Variants in ITGA2 observed in about 807,000 individuals in gnomAD.
The protein encoded by ITGA2 is integrin subunit alpha 2.
In ITGA2, 101 loss-of-function variants were observed where a neutral mutation model predicts 146.3. That is an observed-to-expected ratio of 0.69 (90% CI 0.59 to 0.81). ITGA2 has a LOEUF of 0.81. Among genes scored for constraint, ITGA2 ranks in the 40% least tolerant of loss-of-function variants. The pLI, the probability that ITGA2 is intolerant of heterozygous loss-of-function variation, is 0.00. For missense variants in ITGA2, 1,281 were observed against 1,402.7 expected, an observed-to-expected ratio of 0.91 and a Z score of 1.39; for synonymous variants, 477 against 487.1, an observed-to-expected ratio of 0.98 and a Z score of 0.27.
intron 1 of ITGA2, among the ~76,000 whole-genome samples, chr5:53,010,043 C>T (rs1393415823): frequency 1.3e-5 from 2 of 152,124 alleles, no homozygotes; most frequent in Non-Finnish European, 2.9e-5. Context: ...AAGGGTGTGG[C>T]TAGACATCCT....
rs1257031131 is a variant in ITGA2 at position 53,056,243 on chromosome 5, A to G, written c.1096+94A>G. 1.4e-5 allele frequency: 15 copies of G among 1,098,566 alleles called. No homozygotes were observed. In the East Asian group the frequency reaches 3.3e-4, roughly 24 times the overall value. 68.1% of individuals were successfully genotyped at this position (1,098,566 alleles called of 1,614,324 possible). A position where few individuals can be genotyped will look rare whatever the true frequency, so the allele number is the denominator to read the frequency against. On this transcript the variant is annotated intron_variant, in intron 9 of 29. Coordinates refer to ENST00000296585, the MANE Select transcript of ITGA2 (RefSeq NM_002203.4). The stretch of plus-strand genomic sequence containing the variant: ...TTGCTTTACTAATGTTAACTTGTAT[A>G]CCATGTATAAAAAGAGCTACTACAA...
chr5:53,016,782 T>C lies in ITGA2; in HGVS notation c.65-9966T>C, dbSNP rs557700417. ...CATATTTCTTGGAGGTTTTGTTCAT[T>C]CTTTTTTATTCTTTTTTCTTTATTT... On this transcript the variant is annotated intron_variant, in intron 1 of 29. Transcript: ENST00000296585. Among the ~76,000 whole-genome samples, 15 of 152,296 alleles carry C rather than the reference T, an allele frequency of 9.8e-5. No homozygotes were observed. The East Asian group carries it at 2.9e-3, about 29-fold the overall frequency.
Position 53,090,672 on chromosome 5 carries a change from T to A in ITGA2, c.*73T>A. On this transcript the variant is annotated 3_prime_UTR_variant, in exon 30 of 30. Transcript: ENST00000296585. ...TTTGCTGTTTGCGTGAATGGATTTC[T>A]TTTTAAATCCCATATTTTTTTTATC... 2 of 1,181,112 alleles carry A rather than the reference T, an allele frequency of 1.7e-6. No homozygotes were observed. Among genetic ancestry groups the A allele is most frequent in the African/African-American group, 1.5e-5 (1 of 66,132 alleles). 73.2% of individuals were successfully genotyped at this position (1,181,112 alleles called of 1,614,324 possible). A position where few individuals can be genotyped will look rare whatever the true frequency, so the allele number is the denominator to read the frequency against.
At chr5:53,073,667 T>C (rs1238934228) in intron 20 of ITGA2, among the ~76,000 whole-genome samples, 4 of 151,828 alleles carry the variant, frequency 2.6e-5, no homozygotes, top group African/African-American at 4.8e-5. Flanking sequence ...ACTAATCACA[T>C]TGACTTGATC....
intron 1 of ITGA2, among the ~76,000 whole-genome samples, chr5:52,994,360 C>T (rs1189309444): frequency 6.6e-6 from 1 of 152,106 alleles, no homozygotes; most frequent in Non-Finnish European, 1.5e-5. Context: ...ATTGAGTTAC[C>T]ATCCTCTTCT....
rs545682695 is a variant in ITGA2, at chr5:53,051,540, G to A, written c.760G>A (p.Gly254Arg). ...QYGGDLTNTF[G>R]AIQYARKYAY... ...TGGTGGGGACCTCACAAACACATTC[G>A]GAGCAATTCAATATGCAAGGTAAGT... The change falls in exon 7 of 30, where the codon GGA becomes AGA. Residue 254 changes from glycine (G) to arginine (R), a missense_variant. By Grantham distance (125) the Gly-to-Arg change is moderately radical. Transcript: ENST00000296585. The A allele has an allele frequency of 5.6e-6, 9 of 1,613,330 alleles. No individual in the cohort carries two copies. Among genetic ancestry groups the A allele is most frequent in the African/African-American group, 2.7e-5 (2 of 74,914 alleles).
rs1579848471 is a variant in ITGA2, at chr5:53,047,167, A to G, written c.388-1196A>G. Among the ~76,000 whole-genome samples, 18 of 152,308 alleles carry G rather than the reference A, an allele frequency of 1.2e-4. 1 individual carries two copies. In the South Asian group the frequency reaches 3.7e-3, roughly 32 times the overall value. On this transcript the variant is annotated intron_variant, in intron 4 of 29. Coordinates refer to ENST00000296585, the MANE Select transcript of ITGA2 (RefSeq NM_002203.4). The stretch of plus-strand genomic sequence containing the variant: ...CCCCTTTGACAGTTAAACTGGGTCA[A>G]ATAAGTTTTCTTTTATTTTTCCAAT...
intron 2 of ITGA2, among the ~76,000 whole-genome samples, chr5:53,028,652 T>G (rs545908105): frequency 3.7e-4 from 57 of 152,222 alleles, no homozygotes; most frequent in African/African-American, 1.3e-3. Flanking sequence ...TCATTCAACA[T>G]CTCCACTTTA....
At position 53,042,092 on chromosome 5, in the gene ITGA2, TAAAA is replaced by T; in HGVS notation, c.186-15_186-12del. 1 of 1,425,798 alleles carries T rather than the reference TAAAA, an allele frequency of 7.0e-7. No individual in the cohort carries two copies. Among genetic ancestry groups the T allele is most frequent in the Non-Finnish European group, 9.9e-7 (1 of 1,008,412 alleles). 88.3% of individuals were successfully genotyped at this position (1,425,798 alleles called of 1,614,324 possible). A position where few individuals can be genotyped will look rare whatever the true frequency, so the allele number is the denominator to read the frequency against. ...ACTATACTTAACACTTTGTGTCTAA[TAAAA>T]AAAATGTGTTTCTAGGTTACTGGTT... is the stretch of plus-strand genomic sequence containing the variant. On this transcript the variant is annotated splice_polypyrimidine_tract_variant and intron_variant, in intron 2 of 29. Transcript: ENST00000296585.
intron 1 of ITGA2, among the ~76,000 whole-genome samples, chr5:52,991,434 A>G (rs1046299549): frequency 1.3e-5 from 2 of 152,116 alleles, no homozygotes; most frequent in African/African-American, 2.4e-5. Flanking sequence ...ACACACACAC[A>G]TAACTGTTAT....
chr5:53,009,442 G>A (rs979898411), intron 1 of ITGA2, among the ~76,000 whole-genome samples: 26 of 152,064 alleles, frequency 1.7e-4, no homozygotes, highest in African/African-American at 6.3e-4. Context: ...ATTATACAGC[G>A]GCAGAATATT....
chr5:53,034,214 A>T (rs1743375797), intron 2 of ITGA2, among the ~76,000 whole-genome samples: 1 of 152,174 alleles, frequency 6.6e-6, no homozygotes, highest in Admixed American at 6.5e-5. Context: ...AACTTTAAAT[A>T]CTTACTGTTA....
intron 16 of ITGA2, among the ~76,000 whole-genome samples, chr5:53,068,244 C>T (rs945091047): frequency 2.0e-5 from 3 of 151,846 alleles, no homozygotes; most frequent in South Asian, 4.1e-4. Flanking sequence ...CCATATTTTC[C>T]TACTTTTCAT....
intron 15 of ITGA2, among the ~76,000 whole-genome samples, chr5:53,066,892 A>T (rs923352812): frequency 2.0e-5 from 3 of 151,942 alleles, no homozygotes; most frequent in Non-Finnish European, 4.4e-5. Flanking sequence ...ATAAATAACT[A>T]ATATGTTAAA....
chr5:53,038,837 T>A (rs1743633732), intron 2 of ITGA2, among the ~76,000 whole-genome samples: 1 of 152,104 alleles, frequency 6.6e-6, no homozygotes, highest in Non-Finnish European at 1.5e-5. Context: ...ACACCAGTAA[T>A]CCCAGTGTTT....
At position 53,048,150 on chromosome 5, in the gene ITGA2, C is replaced by A. The variant is rs3212485; in HGVS notation, c.388-213C>A. Among the ~76,000 whole-genome samples, 1,001 of 152,310 alleles carry A rather than the reference C, an allele frequency of 6.6e-3. 6 individuals are homozygous for A. The highest frequency in any genetic ancestry group is 0.023 in the African/African-American group (959 of 41,566). On this transcript the variant is annotated intron_variant, in intron 4 of 29. Coordinates refer to ENST00000296585, the MANE Select transcript of ITGA2 (RefSeq NM_002203.4). ...TGCTCCCAACAGTCTCAGCACTCCT[C>A]CTCCCGCAAGGCTTGCCACTGGGCA...
intron 2 of ITGA2, 61 bp from the exon 3 acceptor site, chr5:53,042,051 G>A: frequency 1.0e-6 from 1 of 983,200 alleles, no homozygotes; most frequent in Admixed American, 1.7e-5. Flanking sequence ...TTTGTGATCA[G>A]GTTTATCTTT....
At chr5:53,053,895 G>C (rs969273645) in intron 7 of ITGA2, among the ~76,000 whole-genome samples, 1 of 152,040 alleles carries the variant, frequency 6.6e-6, no homozygotes, top group Non-Finnish European at 1.5e-5. Context: ...ATTGTTTTAA[G>C]CACTGCGGGT....
Position 53,090,873 on chromosome 5 carries a change from A to G in ITGA2, c.*274A>G. 3 of 594,204 alleles carry G rather than the reference A, an allele frequency of 5.0e-6. No homozygotes were observed. Among genetic ancestry groups the G allele is most frequent in the South Asian group, 2.1e-5 (1 of 47,606 alleles). 36.8% of individuals were successfully genotyped at this position (594,204 alleles called of 1,614,324 possible). On this transcript the variant is annotated 3_prime_UTR_variant, in exon 30 of 30. Coordinates refer to ENST00000296585, the MANE Select transcript of ITGA2 (RefSeq NM_002203.4). ...CTTTAAACTGGCTGGCCCAGAGTTTACATTCTAATTTGCATTGTGTCAGAA... is the reference window on the plus strand; with the variant it reads ...CTTTAAACTGGCTGGCCCAGAGTTTGCATTCTAATTTGCATTGTGTCAGAA...
Sources: allele counts gnomAD v4.1 joint callset (sites outside exome capture counted in the v4.1 genomes callset), GRCh38; gene constraint gnomAD v4.1.1; transcripts MANE v1.5; gene names NCBI Gene and HGNC (gene_info 2026-07-23, HGNC 2026-07-21).